Variants in RGS8 observed in about 807,000 individuals in gnomAD.
RGS8 encodes regulator of G-protein signaling 8.
Under a neutral mutation model 21.7 loss-of-function variants are expected in RGS8, and 8 were observed. That is an observed-to-expected ratio of 0.37 (90% CI 0.22 to 0.66). RGS8 has a LOEUF of 0.66. RGS8 is among the 30% of genes least tolerant of loss of function. The pLI is 0.59. For synonymous variants in RGS8, 80 were observed against 83.6 expected (o/e 0.96, Z 0.24); for missense variants, 157 against 217.9 (o/e 0.72, Z 1.76).
chr1:182,645,638 A>G (rs554499494), downstream of RGS8: 17 of 152,358 alleles, frequency 1.1e-4, no homozygotes, highest in East Asian at 2.7e-3. Context: ...GCTTCATAGT[A>G]TCCAAGAGAG....
At chr1:182,703,368 C>A in the RGS8 span, among the ~76,000 whole-genome samples, 1 of 152,174 alleles carries the variant, frequency 6.6e-6, no homozygotes, top group Non-Finnish European at 1.5e-5. Context: ...ACCCACAAAT[C>A]CTACCTACCA....
the RGS8 span, among the ~76,000 whole-genome samples, chr1:182,744,118 T>G: frequency 6.6e-6 from 1 of 152,348 alleles, no homozygotes; most frequent in South Asian, 2.1e-4. Flanking sequence ...ATATAATTCA[T>G]ATACCATACA....
In RGS8 at chr1:182,648,565, C is replaced by T. The variant is rs544847744; in HGVS notation, c.194-262G>A. Among the ~76,000 whole-genome samples the T allele has an allele frequency of 1.8e-4, 28 of 151,560 alleles. No individual in the cohort carries two copies. The South Asian group carries it at 5.0e-3, about 27-fold the overall frequency. On this transcript the variant is annotated intron_variant, in intron 5 of 6. Coordinates refer to ENST00000483095, the Ensembl canonical transcript of RGS8. ...CCTGGCCAAAATTGTAAAATCCCATCTCTACTAAAAATACAAAAAAAATTA... is the reference window on the plus strand; with the variant it reads ...CCTGGCCAAAATTGTAAAATCCCATTTCTACTAAAAATACAAAAAAAATTA...
chr1:182,709,064 T>TCTTC, the RGS8 span, among the ~76,000 whole-genome samples: 79,718 of 151,380 alleles, frequency 0.53, 21,846 homozygotes, highest in African/African-American at 0.71. Context: ...TTTTAGTGGT[T>TCTTC]CTTCCTTTTC....
intron 5 of RGS8, among the ~76,000 whole-genome samples, chr1:182,664,616 T>C (rs1663765162): frequency 1.3e-5 from 2 of 152,240 alleles, no homozygotes; most frequent in African/African-American, 4.8e-5. Context: ...AAAATAGCAT[T>C]ACTGCAAATC....
chr1:182,751,956 T>C, the RGS8 span, among the ~76,000 whole-genome samples: 1 of 152,186 alleles, frequency 6.6e-6, no homozygotes, highest in African/African-American at 2.4e-5. Flanking sequence ...AAGGCATTTA[T>C]TCTCCAGTTC....
the RGS8 span, among the ~76,000 whole-genome samples, chr1:182,709,203 A>G: frequency 6.6e-6 from 1 of 152,064 alleles, no homozygotes; most frequent in African/African-American, 2.4e-5. Flanking sequence ...TAGTGGGAAA[A>G]CACTGGGCCT....
intron 2 of RGS8, among the ~76,000 whole-genome samples, chr1:182,671,086 C>T (rs1196819504): frequency 6.6e-6 from 1 of 152,212 alleles, no homozygotes; most frequent in Non-Finnish European, 1.5e-5. Context: ...ATCACCCACC[C>T]TTCTGTCCCC....
the RGS8 span, among the ~76,000 whole-genome samples, chr1:182,702,844 C>T: frequency 6.6e-6 from 1 of 152,154 alleles, no homozygotes. Flanking sequence ...TTTATTTAGA[C>T]CAAATAGGTG....
intron 5 of RGS8, among the ~76,000 whole-genome samples, chr1:182,653,381 AT>A (rs796993544): frequency 0.049 from 6,997 of 143,316 alleles, 480 homozygotes; most frequent in African/African-American, 0.16. Flanking sequence ...GAGGAAAGAG[AT>A]TTTTTTTTTT....
At chr1:182,715,630 A>T in the RGS8 span, among the ~76,000 whole-genome samples, 1 of 152,188 alleles carries the variant, frequency 6.6e-6, no homozygotes, top group Non-Finnish European at 1.5e-5. Context: ...ATTTAGAATA[A>T]GTTCCCAGAT....
At chr1:182,658,014 G>A (rs916239299) in intron 5 of RGS8, among the ~76,000 whole-genome samples, 18 of 152,140 alleles carry the variant, frequency 1.2e-4, no homozygotes, top group African/African-American at 4.1e-4. Context: ...TTCTTTGTAC[G>A]ACCCTTCAAG....
rs374645707 is a variant in RGS8, at chr1:182,668,740, C to G, written c.26+884G>C. On this transcript the variant is annotated intron_variant, in intron 3 of 6. Transcript: ENST00000483095. ...TCATGGCATTTCCAAACATTGGCTA[C>G]TGCTATTCTCTCTCCTGCGACAGCG... Among the ~76,000 whole-genome samples, 117 of 152,320 alleles carry G rather than the reference C, an allele frequency of 7.7e-4. 1 individual carries two copies. Among genetic ancestry groups the G allele is most frequent in the African/African-American group, 2.6e-3 (108 of 41,582 alleles).
the RGS8 span, among the ~76,000 whole-genome samples, chr1:182,738,213 T>C: frequency 3.3e-5 from 5 of 152,218 alleles, no homozygotes; most frequent in African/African-American, 1.2e-4. Context: ...CGGAGGCCAC[T>C]TGATATTATA....
At chr1:182,686,250 T>C (rs577884311), upstream of RGS8, among the ~76,000 whole-genome samples, 42 of 152,274 alleles carry the variant, frequency 2.8e-4, no homozygotes, top group African/African-American at 1.0e-3. Flanking sequence ...CAGTGGTGAA[T>C]GCAATGTAAA....
intron 3 of RGS8, 112 bp downstream of exon 4, chr1:182,669,512 G>T: frequency 6.7e-7 from 1 of 1,488,446 alleles, no homozygotes; most frequent in South Asian, 1.2e-5. Context: ...GATGAAAGTA[G>T]ACCACGCATG....
At chr1:182,707,925 C>G in the RGS8 span, among the ~76,000 whole-genome samples, 1 of 152,128 alleles carries the variant, frequency 6.6e-6, no homozygotes, top group African/African-American at 2.4e-5. Flanking sequence ...CCAGGATGGT[C>G]TCGATCTCCT....
At chr1:182,713,611 G>T in the RGS8 span, among the ~76,000 whole-genome samples, 1 of 152,096 alleles carries the variant, frequency 6.6e-6, no homozygotes, top group Non-Finnish European at 1.5e-5. Context: ...TGACACAAGG[G>T]CCTTAACTGA....
At chr1:182,705,014 A>C in the RGS8 span, among the ~76,000 whole-genome samples, 3 of 152,196 alleles carry the variant, frequency 2.0e-5, no homozygotes, top group Admixed American at 6.6e-5. Context: ...AAGGGTAAGT[A>C]CTGTTATGTG....
Sources: allele counts gnomAD v4.1 joint callset (sites outside exome capture counted in the v4.1 genomes callset), GRCh38; gene constraint gnomAD v4.1.1; transcripts MANE v1.5; gene names NCBI Gene and HGNC (gene_info 2026-07-23, HGNC 2026-07-21).